Variants in STAB1 observed in about 807,000 individuals in gnomAD.
STAB1 encodes stabilin 1, also known as stabilin-1.
Under a neutral mutation model 332.4 loss-of-function variants are expected in STAB1, and 250 were observed. That is an observed-to-expected ratio of 0.75 (90% CI 0.68 to 0.84). The LOEUF (loss-of-function observed/expected upper bound fraction) is 0.84, where lower values mean the gene tolerates loss of function less well. Among genes scored for constraint, STAB1 ranks in the 40% least tolerant of loss-of-function variants. The pLI is 0.00. For synonymous variants in STAB1, 1,475 were observed against 1,390.4 expected (o/e 1.06, Z -1.35); for missense variants, 3,249 against 3,489.7 (o/e 0.93, Z 1.74).
chr3:52,514,870 A>G (rs1238388320), intron 35 of STAB1, 41 bp downstream of exon 35: 6 of 1,612,758 alleles, frequency 3.7e-6, no homozygotes, highest in African/African-American at 1.3e-5. Context: ...ACGGGAGTTC[A>G]GAGCTGGGAG....
chr3:52,505,208 C>A, intron 13 of STAB1, 65 bp downstream of exon 13: 2 of 1,604,406 alleles, frequency 1.2e-6, no homozygotes, highest in South Asian at 1.1e-5. Context: ...CTGCAGAGAG[C>A]AGTGAGTGGG....
In STAB1 at chr3:52,520,805, G is replaced by A. The variant is rs1308900735; in HGVS notation, c.5708G>A (p.Gly1903Asp). ...TGCGGCCTGACTCCTTTGGCCCAGG[G>A]CAGCCCTGAGGCCTGCTGGCGCTTC... ...PPCPEGSQEQ[G>D]SPEACWRFYP... The change falls in exon 55 of 69, where the codon GGC becomes GAC. Residue 1903 changes from glycine to aspartate, a missense_variant and splice_region_variant. Physicochemically the swap from Gly to Asp is moderately conservative, Grantham distance 94. Transcript: ENST00000321725. 18 of 1,612,748 alleles carry A rather than the reference G, an allele frequency of 1.1e-5. No individual in the cohort carries two copies. The highest frequency in any genetic ancestry group is 1.5e-5 in the Non-Finnish European group (18 of 1,180,014).
rs536334692 is a variant in STAB1, at chr3:52,517,601, G to C, written c.4615G>C (p.Glu1539Gln). Reference sequence around the variant, plus strand: ...CAGCGGGGATGGCATCCGGACCTGCGAGCTCCTGGACCCCTGCTCTAAGGT... The same window carrying C: ...CAGCGGGGATGGCATCCGGACCTGCCAGCTCCTGGACCCCTGCTCTAAGGT... The part of the protein sequence containing the change: ...GYSGDGIRTC[E>Q]LLDPCSKNNG... Residue 1539 changes from glutamate (E) to glutamine (Q), a missense_variant, in exon 44 of 69, where the codon GAG (glutamate) becomes CAG (glutamine). Physicochemically the swap from Glu to Gln is conservative, Grantham distance 29. Transcript: ENST00000321725. The C allele has an allele frequency of 6.2e-6, 10 of 1,612,796 alleles. No homozygotes were observed. The highest frequency in any genetic ancestry group is 1.7e-4 in the Middle Eastern group (1 of 6,052).
In STAB1 at chr3:52,501,690, A is replaced by G; in HGVS notation, c.268A>G (p.Lys90Glu). The change falls in exon 3 of 69, where the codon AAG becomes GAG. Residue 90 changes from lysine (K) to glutamate (E), a missense_variant. Coordinates refer to ENST00000321725, the MANE Select transcript of STAB1 (RefSeq NM_015136.3). ...SMVSMSGCRR[K>E]CRKQVVQKAC... Reference sequence around the variant, plus strand: ...GGTGTCCATGAGCGGCTGCAGACGGAAGTGCCGGAAGCAAGTGGTGCAGAA... The same window carrying G: ...GGTGTCCATGAGCGGCTGCAGACGGGAGTGCCGGAAGCAAGTGGTGCAGAA... The G allele has an allele frequency of 6.3e-7, 1 of 1,581,916 alleles. No homozygotes were observed. Among genetic ancestry groups the G allele is most frequent in the Non-Finnish European group, 8.6e-7 (1 of 1,165,058 alleles).
Position 52,514,460 on chromosome 3 carries a change from T to A in STAB1, c.3642T>A (p.Pro1214=), listed in dbSNP as rs1353612200. Residue 1214 remains proline, a synonymous_variant, in exon 34 of 69, where the codon CCT becomes CCA. Transcript: ENST00000321725. The part of the protein sequence containing the change: ...KGGHRNSLLG[P]AHWIVFYNHS... The stretch of plus-strand genomic sequence containing the variant: ...GACACCGCAACTCCCTCCTGGGCCC[T>A]GCCCACTGGATCGTCTTCTACAACC... 11 of 1,542,986 alleles carry A rather than the reference T, an allele frequency of 7.1e-6. No individual in the cohort carries two copies. In the East Asian group the frequency reaches 2.5e-4, roughly 35 times the overall value.
At chr3:52,516,792 G>A (rs542042705) in intron 41 of STAB1, 24 bp downstream of exon 41, 2 of 1,600,356 alleles carry the variant, frequency 1.2e-6, no homozygotes, top group Non-Finnish European at 1.7e-6. Flanking sequence ...GATGCCCAGG[G>A]CCCTCCCTGA....
chr3:52,517,127 A>T lies in STAB1; in HGVS notation c.4489+18A>T. On this transcript the variant is annotated intron_variant, in intron 42 of 68. Transcript: ENST00000321725. ...GTGCCAGGGTGAGACTAGGCCCCTA[A>T]CCTGGGTTTATGTTGGGCTAGGGGT... 6.6e-7 allele frequency: 1 copy of T among 1,524,558 alleles called. No homozygotes were observed. The highest frequency in any genetic ancestry group is 1.4e-5 in the African/African-American group (1 of 72,012). 94.4% of individuals were successfully genotyped at this position (1,524,558 alleles called of 1,614,324 possible). A position where few individuals can be genotyped will look rare whatever the true frequency, so the allele number is the denominator to read the frequency against.
Position 52,516,256 on chromosome 3 carries a change from G to T in STAB1, c.4144+18G>T. The T allele has an allele frequency of 6.3e-7, 1 of 1,599,256 alleles. No homozygotes were observed. The highest frequency in any genetic ancestry group is 8.5e-7 in the Non-Finnish European group (1 of 1,169,856). ...CACCGGAGGTGAGGACTGGGGAGGG[G>T]CGGGGGTGGGCCTCCTGGCAGCAGA... On this transcript the variant is annotated intron_variant, in intron 38 of 68. Coordinates refer to ENST00000321725, the MANE Select transcript of STAB1 (RefSeq NM_015136.3).
chr3:52,502,526 T>C, intron 5 of STAB1, 106 bp from the exon 6 acceptor site: 1 of 1,031,612 alleles, frequency 9.7e-7, no homozygotes, highest in Non-Finnish European at 1.5e-6. Context: ...CTTAAGGTTG[T>C]ACCTGCCCGA....
At position 52,520,223 on chromosome 3, in the gene STAB1, C is replaced by T. The variant is rs765427348; in HGVS notation, c.5432C>T (p.Pro1811Leu). Residue 1811 changes from proline to leucine, a missense_variant, in exon 52 of 69, where the codon CCC becomes CTC. By Grantham distance (98) the Pro-to-Leu change is moderately conservative. Transcript: ENST00000321725. ...RNVEALASDL[P>L]NLGPLRTMHG... ...GCTCAGGCCTTGGCATCTGACCTGC[C>T]CAACCTGGGCCCACTTCGAACCATG... 2 of 1,613,174 alleles carry T rather than the reference C, an allele frequency of 1.2e-6. No individual in the cohort carries two copies. The highest frequency in any genetic ancestry group is 1.7e-6 in the Non-Finnish European group (2 of 1,180,030).
Position 52,502,688 on chromosome 3 carries a change from C to G in STAB1, c.544C>G (p.Leu182Val). The G allele has an allele frequency of 6.2e-7, 1 of 1,613,876 alleles. No homozygotes were observed. ...NHGPRGDGSCLCFAGYTGPHC... is the reference protein window; with the variant it reads ...NHGPRGDGSCVCFAGYTGPHC... ...TGGGCCACGTGGGGATGGAAGCTGC[C>G]TGTGCTTTGCTGGATACACTGGCCC... The change falls in exon 6 of 69, where the codon CTG becomes GTG. Residue 182 changes from leucine (L) to valine (V), a missense_variant. By Grantham distance (32) the Leu-to-Val change is conservative. Coordinates refer to ENST00000321725, the MANE Select transcript of STAB1 (RefSeq NM_015136.3).
Position 52,523,442 on chromosome 3 carries a change from G to C in STAB1, c.7156G>C (p.Asp2386His). The C allele has an allele frequency of 6.2e-7, 1 of 1,609,232 alleles. No individual in the cohort carries two copies. The highest frequency in any genetic ancestry group is 8.5e-7 in the Non-Finnish European group (1 of 1,177,348). Residue 2386 changes from aspartate to histidine, a missense_variant, in exon 65 of 69, where the codon GAC becomes CAC. Transcript: ENST00000321725. ...FVDNMTLSGPDLELHASNATL... is the reference protein window; with the variant it reads ...FVDNMTLSGPHLELHASNATL... ...CTGCTCACAGACGCTGAGTGGCCCA[G>C]ACTTGGAGCTGCATGCCTCCAACGC...
Position 52,506,684 on chromosome 3 carries a change from T to A in STAB1, c.1831-8T>A, listed in dbSNP as rs772435163. Reference sequence around the variant, plus strand: ...GCTGGGGGTTGGCTCAGTGGGTCTCTGCCGCAGGGGCGCATCCTGCTGGGA... The same window carrying A: ...GCTGGGGGTTGGCTCAGTGGGTCTCAGCCGCAGGGGCGCATCCTGCTGGGA... On this transcript the variant is annotated splice_polypyrimidine_tract_variant and splice_region_variant and intron_variant, in intron 17 of 68. Transcript: ENST00000321725. The A allele has an allele frequency of 1.1e-5, 18 of 1,604,826 alleles. No homozygotes were observed. Among genetic ancestry groups the A allele is most frequent in the Non-Finnish European group, 1.4e-5 (17 of 1,176,206 alleles).
At chr3:52,518,195 C>A in intron 45 of STAB1, 117 bp from the exon 46 acceptor site, 12 of 1,540,804 alleles carry the variant, frequency 7.8e-6, no homozygotes, top group Non-Finnish European at 1.1e-5. Flanking sequence ...ACTCAGACCC[C>A]GCGGCTTTCC....
Position 52,523,007 on chromosome 3 carries a change from G to A in STAB1, c.6911-18G>A, listed in dbSNP as rs762806118. The A allele has an allele frequency of 1.3e-6, 2 of 1,587,926 alleles. No homozygotes were observed. Among genetic ancestry groups the A allele is most frequent in the Non-Finnish European group, 8.6e-7 (1 of 1,163,402 alleles). On this transcript the variant is annotated intron_variant, in intron 62 of 68. Coordinates refer to ENST00000321725, the MANE Select transcript of STAB1 (RefSeq NM_015136.3). ...CTTCCCACCAATCTGCTGAGCCACT[G>A]ACCTGCTTTTCCTGCAGATGTGGCC...
intron 57 of STAB1, 24 bp downstream of exon 57, chr3:52,521,724 C>T: frequency 6.2e-7 from 1 of 1,611,628 alleles, no homozygotes. Flanking sequence ...TGCTCGTGCC[C>T]ACCCTACACA....
chr3:52,523,730 AG>A lies in STAB1; in HGVS notation c.7370del (p.Ser2457ThrfsTer143). 6.2e-7 allele frequency: 1 copy of A among 1,600,336 alleles called. No homozygotes were observed. Among genetic ancestry groups the A allele is most frequent in the Middle Eastern group, 1.7e-4 (1 of 6,034 alleles). Reference sequence around the variant, plus strand: ...CAATGGCATCATCCATGCTCTGGCCAGCCCCCTCCTGGCACCCCCACAGCCC... The same window carrying A: ...CAATGGCATCATCCATGCTCTGGCCACCCCCTCCTGGCACCCCCACAGCCC... Reference protein sequence around the residue: ...AFNGIIHALASPLLAPPQPQA... With the variant: ...AFNGIIHALAXPLLAPPQPQA... On this transcript the variant is annotated frameshift_variant, in exon 66 of 69. Coordinates refer to ENST00000321725, the MANE Select transcript of STAB1 (RefSeq NM_015136.3). LOFTEE classifies it high-confidence loss of function.
intron 41 of STAB1, 50 bp from the exon 42 acceptor site, chr3:52,516,934 C>A: frequency 6.2e-7 from 1 of 1,607,292 alleles, no homozygotes. Flanking sequence ...TCCTGTCCTG[C>A]CTCCGGCCCC....
chr3:52,506,304 C>A, intron 17 of STAB1, 54 bp downstream of exon 17: 1 of 1,503,702 alleles, frequency 6.7e-7, no homozygotes, highest in South Asian at 1.2e-5. Flanking sequence ...ACCAGCTGCC[C>A]ACTTGGCCTC....
Sources: allele counts gnomAD v4.1 joint callset, GRCh38; gene constraint gnomAD v4.1.1; transcripts MANE v1.5; gene names NCBI Gene and HGNC (gene_info 2026-07-23, HGNC 2026-07-21).